CUL9: variants seen among roughly 807,000 people sequenced by gnomAD.
The protein encoded by CUL9 is cullin-9.
CUL9 carries 79 observed loss-of-function variants against 272.6 expected under a neutral mutation model. The observed-to-expected ratio is 0.29, with a 90% CI of 0.24 to 0.35. CUL9 has a LOEUF of 0.35. Among genes scored for constraint, CUL9 ranks in the 10% least tolerant of loss-of-function variants. The pLI is 1.00. For synonymous variants in CUL9, 1,186 were observed against 1,286.5 expected, an observed-to-expected ratio of 0.92 and a Z score of 1.67; for missense variants, 2,532 against 3,255.6, an observed-to-expected ratio of 0.78 and a Z score of 5.41.
chr6:43,183,692 CCCTTCCTTCCTTTCTTCCTT>C (rs1285049677), intron 1 of CUL9, among the ~76,000 whole-genome samples: 2 of 149,554 alleles, frequency 1.3e-5, no homozygotes, highest in Admixed American at 6.7e-5. Flanking sequence ...TTGTAAACTC[CCCTTCCTTCCTTTCTTCCTT>C]CCTTCCTTCC....
At chr6:43,222,940 C>A (rs747336257) in intron 38 of CUL9, 44 bp downstream of exon 38, 1 of 1,527,508 alleles carries the variant, frequency 6.5e-7, no homozygotes, top group Non-Finnish European at 9.1e-7. Flanking sequence ...GCCTCCTCCC[C>A]TCTGTTGCAC....
At chr6:43,219,639 C>T (rs1263499312) in intron 31 of CUL9, among the ~76,000 whole-genome samples, 4 of 152,178 alleles carry the variant, frequency 2.6e-5, no homozygotes, top group Admixed American at 2.0e-4. Context: ...CACAGACACA[C>T]GGTCTCCTGA....
At position 43,199,969 on chromosome 6, in the gene CUL9, C is replaced by T. The variant is rs150115400; in HGVS notation, c.3197C>T (p.Ser1066Leu). 44 of 1,614,178 alleles carry T rather than the reference C, an allele frequency of 2.7e-5. No individual in the cohort carries two copies. In the African/African-American group the frequency reaches 3.1e-4, roughly 11 times the overall value. Residue 1066 changes from serine (S) to leucine (L), a missense_variant, in exon 14 of 41, where the codon TCG becomes TTG. Ser to Leu is a moderately radical substitution (Grantham distance 145). Transcript: ENST00000252050. The surrounding 1 kb of genome is among the most constrained non-coding windows in gnomAD (Gnocchi z 4.4). The stretch of plus-strand genomic sequence containing the variant: ...ACCTGCTTCCTACATCGCCTGGCCT[C>T]GATGCATAAGGACTATGCTGTGGTG... ...ELTCFLHRLA[S>L]MHKDYAVVLC...
rs754430329 is a variant in CUL9 at position 43,221,119 on chromosome 6, A to C, written c.6589-39A>C. 3 of 1,600,890 alleles carry C rather than the reference A, an allele frequency of 1.9e-6. No individual in the cohort carries two copies. The highest frequency in any genetic ancestry group is 2.6e-6 in the Non-Finnish European group (3 of 1,175,592). On this transcript the variant is annotated intron_variant, in intron 33 of 40. Transcript: ENST00000252050. This position sits in a 1 kb window ranked among gnomAD's most constrained non-coding sequence, Gnocchi z 4.2. ...TGTGCACACCAGCCATGCTGCCCTC[A>C]CGGCTCAGCTGTGTCCCCACCATGC...
intron 26 of CUL9, among the ~76,000 whole-genome samples, chr6:43,209,131 TTTTC>T (rs1015915381): frequency 8.7e-5 from 13 of 149,376 alleles, no homozygotes; most frequent in South Asian, 2.1e-4. Context: ...TATTCTAATT[TTTTC>T]TTTCTTTCTT....
chr6:43,186,356 G>C lies in CUL9; in HGVS notation c.1152G>C (p.Gln384His). The C allele has an allele frequency of 5.0e-6, 8 of 1,614,212 alleles. No homozygotes were observed. The highest frequency in any genetic ancestry group is 5.9e-6 in the Non-Finnish European group (7 of 1,180,012). The part of the protein sequence containing the change: ...GYGEYVQQTL[Q>H]PGMRVRMLDD... ...GAGAATATGTGCAGCAGACACTGCAGCCAGGGATGCGAGTGCGGATGCTGG... is the reference window on the plus strand; with the variant it reads ...GAGAATATGTGCAGCAGACACTGCACCCAGGGATGCGAGTGCGGATGCTGG... Residue 384 changes from glutamine to histidine, a missense_variant, in exon 4 of 41, where the codon CAG becomes CAC. Coordinates refer to ENST00000252050, the MANE Select transcript of CUL9 (RefSeq NM_015089.4).
Position 43,195,669 on chromosome 6 carries a change from G to A in CUL9, c.2389-400G>A, listed in dbSNP as rs560196916. Among the ~76,000 whole-genome samples, 3 of 152,276 alleles carry A rather than the reference G, an allele frequency of 2.0e-5. No individual in the cohort carries two copies. The South Asian group carries it at 6.2e-4, about 32-fold the overall frequency. The stretch of plus-strand genomic sequence containing the variant: ...AGATTTTGCAAAGGAAGGAGTGCAA[G>A]TGAGATGGGAGACAACTGTAAGAAG... On this transcript the variant is annotated intron_variant, in intron 9 of 40. Transcript: ENST00000252050.
intron 31 of CUL9, 34 bp downstream of exon 31, chr6:43,216,537 C>A (rs111577855): frequency 0.085 from 131,183 of 1,537,476 alleles, 6,152 homozygotes; most frequent in Non-Finnish European, 0.096. Context: ...CTGCCCCTGG[C>A]TTTCTGCCCT....
At position 43,220,530 on chromosome 6, in the gene CUL9, C is replaced by A; in HGVS notation, c.6354C>A (p.Ala2118=). The change falls in exon 32 of 41, where the codon GCC becomes GCA. Residue 2118 remains alanine, a synonymous_variant. Transcript: ENST00000252050. This position sits in a 1 kb window ranked among gnomAD's most constrained non-coding sequence, Gnocchi z 4.9. ...TTTTGAATTGCACCTGCCCCATTGC[C>A]GACTGCCCCGCCCAGCCCACCGGAG... ...NLVLNCTCPI[A]DCPAQPTGAF... 6.2e-7 allele frequency: 1 copy of A among 1,614,098 alleles called. No individual in the cohort carries two copies. The highest frequency in any genetic ancestry group is 2.2e-5 in the East Asian group (1 of 44,876).
intron 8 of CUL9, among the ~76,000 whole-genome samples, chr6:43,191,305 T>G (rs1230500987): frequency 2.7e-5 from 4 of 145,994 alleles, no homozygotes; most frequent in African/African-American, 8.0e-5. Context: ...TGTTGTTTTT[T>G]TTTTTGTTTG....
intron 1 of CUL9, among the ~76,000 whole-genome samples, chr6:43,182,730 C>T (rs185851931): frequency 6.6e-6 from 1 of 152,210 alleles, no homozygotes; most frequent in Non-Finnish European, 1.5e-5. Context: ...CTCTTCACCT[C>T]TACTCTCATC....
At chr6:43,214,791 G>C (rs1453757857) in intron 29 of CUL9, among the ~76,000 whole-genome samples, 2 of 150,248 alleles carry the variant, frequency 1.3e-5, no homozygotes, top group African/African-American at 5.0e-5. Flanking sequence ...GAGTGAGACT[G>C]TTGGGAAAAA....
In CUL9 at chr6:43,213,241, C is replaced by G. The variant is rs199684207; in HGVS notation, c.5305C>G (p.Leu1769Val). 3.4e-4 allele frequency: 545 copies of G among 1,613,150 alleles called. No individual in the cohort carries two copies. The highest frequency in any genetic ancestry group is 4.4e-4 in the Non-Finnish European group (521 of 1,179,764). ...RAELQFGKQILHVSTVQMWLL... is the reference protein window; with the variant it reads ...RAELQFGKQIVHVSTVQMWLL... ...TGAGCTGCAGTTTGGGAAGCAGATA[C>G]TGCATGTGTCCACCGTGCAGATGTG... Residue 1769 changes from leucine to valine, a missense_variant, in exon 27 of 41, where the codon CTG becomes GTG. Transcript: ENST00000252050. The surrounding 1 kb of genome is among the most constrained non-coding windows in gnomAD (Gnocchi z 5.7).
At position 43,193,106 on chromosome 6, in the gene CUL9, C is replaced by T. The variant is rs200365252; in HGVS notation, c.2286C>T (p.His762=). Residue 762 remains histidine (H), a synonymous_variant, in exon 9 of 41, where the codon CAC becomes CAT. Coordinates refer to ENST00000252050, the MANE Select transcript of CUL9 (RefSeq NM_015089.4). ...LRLLYLLMTK[H]EWRPLFAREG... ...TCCTTTACCTGCTCATGACCAAGCA[C>T]GAGTGGCGGCCGCTCTTTGCCAGGG... 359 of 1,614,176 alleles carry T rather than the reference C, an allele frequency of 2.2e-4. No homozygotes were observed. The highest frequency in any genetic ancestry group is 9.3e-5 in the African/African-American group (7 of 75,054).
intron 26 of CUL9, among the ~76,000 whole-genome samples, chr6:43,211,549 C>T (rs1283556200): frequency 2.6e-5 from 4 of 152,102 alleles, no homozygotes; most frequent in African/African-American, 9.7e-5. Context: ...CAGAGTGAGA[C>T]TCCATCTCAA....
chr6:43,192,579 G>A (rs545991492), intron 8 of CUL9, among the ~76,000 whole-genome samples: 24 of 152,284 alleles, frequency 1.6e-4, no homozygotes, highest in African/African-American at 5.3e-4. Flanking sequence ...AAGAGGCTGA[G>A]GCTTGAGAAT....
chr6:43,184,588 C>A lies in CUL9; in HGVS notation c.278C>A (p.Pro93Gln). Residue 93 changes from proline to glutamine, a missense_variant, in exon 2 of 41, where the codon CCA (proline) becomes CAA (glutamine). Pro to Gln is a moderately conservative substitution (Grantham distance 76). Transcript: ENST00000252050. The surrounding 1 kb of genome is among the most constrained non-coding windows in gnomAD (Gnocchi z 4.8). ...RALSKGLQHE[P>Q]AGVSGSFPRD... The stretch of plus-strand genomic sequence containing the variant: ...CTATCTAAGGGACTTCAGCACGAAC[C>A]AGCTGGGGTTTCAGGAAGCTTTCCT... 5.6e-6 allele frequency: 9 copies of A among 1,612,866 alleles called. No homozygotes were observed. Among genetic ancestry groups the A allele is most frequent in the Non-Finnish European group, 7.6e-6 (9 of 1,178,970 alleles).
In CUL9 at chr6:43,200,109, C is replaced by G. The variant is rs1292121758; in HGVS notation, c.3337C>G (p.Gln1113Glu). 1.2e-6 allele frequency: 2 copies of G among 1,614,096 alleles called. No homozygotes were observed. Among genetic ancestry groups the G allele is most frequent in the Non-Finnish European group, 1.7e-6 (2 of 1,180,038 alleles). ...GGTGACAGAGTGTGAGAAGTACGCA[C>G]AGCTCTATAGCAACCTCACCTCCAG... is the stretch of plus-strand genomic sequence containing the variant. Reference protein sequence around the residue: ...DLVTECEKYAQLYSNLTSSIL... With the variant: ...DLVTECEKYAELYSNLTSSIL... The change falls in exon 14 of 41, where the codon CAG becomes GAG. Residue 1113 changes from glutamine (Q) to glutamate (E), a missense_variant. By Grantham distance (29) the Gln-to-Glu change is conservative. Coordinates refer to ENST00000252050, the MANE Select transcript of CUL9 (RefSeq NM_015089.4). This position sits in a 1 kb window ranked among gnomAD's most constrained non-coding sequence, Gnocchi z 4.0.
chr6:43,198,467 T>A lies in CUL9; in HGVS notation c.2804-142T>A, dbSNP rs1404823748. 21 of 1,497,940 alleles carry A rather than the reference T, an allele frequency of 1.4e-5. No homozygotes were observed. The African/African-American group carries it at 2.5e-4, about 18-fold the overall frequency. The allele number at this position is 1,497,940 out of a possible 1,614,324, so 92.8% of individuals were successfully genotyped here. A position where few individuals can be genotyped will look rare whatever the true frequency, so the allele number is the denominator to read the frequency against. ...ATTTGGGGTCAGGAAAGAAAACCCC[T>A]CATAGTTTGGTTAAAAACTATAGAC... On this transcript the variant is annotated intron_variant, in intron 11 of 40. Transcript: ENST00000252050.
Sources: allele counts gnomAD v4.1 joint callset (sites outside exome capture counted in the v4.1 genomes callset), GRCh38; gene constraint gnomAD v4.1.1; non-coding constraint Gnocchi (gnomAD v3.1); transcripts MANE v1.5; gene names NCBI Gene and HGNC (gene_info 2026-07-23, HGNC 2026-07-21).